The following SLMAP variants were observed in gnomAD, a reference collection of about 807,000 sequenced individuals.
The protein encoded by SLMAP is sarcolemmal membrane-associated protein.
Under a neutral mutation model 128.8 loss-of-function variants are expected in SLMAP, and 44 were observed. The ratio of observed to expected loss-of-function variants is 0.34; its 90% CI spans 0.27 to 0.44. The LOEUF is 0.44. SLMAP is among the 20% of genes least tolerant of loss of function. The pLI is 1.00. For missense variants in SLMAP, 787 were observed against 985.3 expected (o/e 0.80, Z 2.69); for synonymous variants, 327 against 348.8 (o/e 0.94, Z 0.70).
At chr3:57,907,692 A>AAG (rs1217035364) in intron 17 of SLMAP, among the ~76,000 whole-genome samples, 192 bp from the exon 18 acceptor site, 1 of 152,184 alleles carries the variant, frequency 6.6e-6, no homozygotes, top group East Asian at 1.9e-4. Context: ...CATGATTACT[A>AAG]ATATATATAA....
At chr3:57,862,504 GAC>G (rs766581600) in intron 10 of SLMAP, among the ~76,000 whole-genome samples, 1 of 151,954 alleles carries the variant, frequency 6.6e-6, no homozygotes, top group Non-Finnish European at 1.5e-5. Context: ...TGGGCGTGGT[GAC>G]ACATGCCTGT....
intron 2 of SLMAP, among the ~76,000 whole-genome samples, chr3:57,760,178 G>A (rs778997104): frequency 6.6e-6 from 1 of 152,150 alleles, no homozygotes; most frequent in African/African-American, 2.4e-5. Context: ...GACCTCAAGT[G>A]ATCCACCCTC....
intron 10 of SLMAP, among the ~76,000 whole-genome samples, chr3:57,864,262 C>G (rs2095226177): frequency 6.6e-6 from 1 of 152,090 alleles, no homozygotes; most frequent in African/African-American, 2.4e-5. Context: ...ACAAAATTAG[C>G]TGGGTATGGT....
intron 2 of SLMAP, among the ~76,000 whole-genome samples, chr3:57,825,235 TTTTA>T (rs1226314137): frequency 6.6e-6 from 1 of 152,078 alleles, no homozygotes; most frequent in Admixed American, 6.5e-5. Context: ...CTTTTTTTTT[TTTTA>T]TTCTTTCTAG....
At chr3:57,891,475 A>T (rs764266191) in intron 15 of SLMAP, among the ~76,000 whole-genome samples, 2 of 152,162 alleles carry the variant, frequency 1.3e-5, no homozygotes, top group Non-Finnish European at 2.9e-5. Context: ...TTAAATATTT[A>T]TCTTTGTATG....
chr3:57,775,094 G>A (rs1342951887), intron 2 of SLMAP, among the ~76,000 whole-genome samples: 4 of 150,112 alleles, frequency 2.7e-5, no homozygotes, highest in Non-Finnish European at 3.0e-5. Context: ...TCGCTCTGTC[G>A]CCCAGGCCGG....
At chr3:57,900,021 A>G (rs2096337661) in intron 17 of SLMAP, 1 of 152,182 alleles carries the variant, frequency 6.6e-6, no homozygotes, top group African/African-American at 2.4e-5. Flanking sequence ...TTGTATCTGT[A>G]TAATTAGGTT....
chr3:57,823,087 A>G (rs2092647564), intron 2 of SLMAP, among the ~76,000 whole-genome samples: 1 of 152,182 alleles, frequency 6.6e-6, no homozygotes, highest in South Asian at 2.1e-4. Context: ...TAAAAAGCAT[A>G]CAAGAAAGAG....
chr3:57,887,565 C>G (rs1436563302), intron 14 of SLMAP, among the ~76,000 whole-genome samples: 1 of 152,178 alleles, frequency 6.6e-6, no homozygotes, highest in Non-Finnish European at 1.5e-5. Context: ...CTCATTCACA[C>G]TACATGTCCA....
intron 2 of SLMAP, among the ~76,000 whole-genome samples, chr3:57,809,147 T>C (rs778188541): frequency 3.7e-4 from 57 of 152,122 alleles, no homozygotes; most frequent in Non-Finnish European, 7.8e-4. Flanking sequence ...TCCCATTCCA[T>C]GGAGCAGGCA....
intron 2 of SLMAP, among the ~76,000 whole-genome samples, chr3:57,763,739 A>T (rs1375723972): frequency 1.3e-5 from 2 of 152,162 alleles, no homozygotes; most frequent in African/African-American, 4.8e-5. Flanking sequence ...AATAGTTGAG[A>T]TAGGTGATAT....
At position 57,890,095 on chromosome 3, in the gene SLMAP, C is replaced by T; in HGVS notation, c.1355C>T (p.Ser452Leu). Residue 452 changes from serine (S) to leucine (L), a missense_variant, in exon 15 of 25, where the codon TCA becomes TTA. By Grantham distance (145) the Ser-to-Leu change is moderately radical. Coordinates refer to ENST00000671191, the MANE Select transcript of SLMAP (RefSeq NM_001377540.1). ...LTKAVEETKLSKENQTRAKES... is the reference protein window; with the variant it reads ...LTKAVEETKLLKENQTRAKES... ...AAAGCGGTAGAAGAAACAAAGCTTT[C>T]AAAAGGTTTGTTTTCTGTTTTTCTA... 1 of 1,613,664 alleles carries T rather than the reference C, an allele frequency of 6.2e-7. No homozygotes were observed. The highest frequency in any genetic ancestry group is 1.6e-4 in the Middle Eastern group (1 of 6,062).
At chr3:57,775,652 T>C (rs988477747) in intron 2 of SLMAP, among the ~76,000 whole-genome samples, 1 of 151,702 alleles carries the variant, frequency 6.6e-6, no homozygotes, top group Admixed American at 6.6e-5. Flanking sequence ...ATCGCGCCAC[T>C]GCACTCCAGC....
chr3:57,849,853 T>A (rs2094440030), intron 6 of SLMAP, 37 bp downstream of exon 6: 1 of 1,198,670 alleles, frequency 8.3e-7, no homozygotes. Context: ...AAAGCAGAAT[T>A]TCTTTTAAAC....
chr3:57,860,082 A>G (rs908611985), intron 8 of SLMAP, among the ~76,000 whole-genome samples: 3 of 152,062 alleles, frequency 2.0e-5, no homozygotes, highest in African/African-American at 7.2e-5. Context: ...GGGTCTTGCT[A>G]TGTTGCCCAG....
At chr3:57,851,807 T>G (rs1055049351) in intron 6 of SLMAP, among the ~76,000 whole-genome samples, 9 of 151,476 alleles carry the variant, frequency 5.9e-5, no homozygotes, top group African/African-American at 2.2e-4. Flanking sequence ...TTATCTTAGT[T>G]CTGCTACTCA....
chr3:57,874,739 G>C (rs1003369860), intron 14 of SLMAP, among the ~76,000 whole-genome samples: 1 of 151,748 alleles, frequency 6.6e-6, no homozygotes, highest in African/African-American at 2.4e-5. Context: ...GGCGCCTGTA[G>C]TCTCAGCTAC....
At chr3:57,793,898 A>G in intron 2 of SLMAP, among the ~76,000 whole-genome samples, 1 of 142,426 alleles carries the variant, frequency 7.0e-6, no homozygotes, top group East Asian at 2.0e-4. Context: ...ATCTTTCTTA[A>G]AAAAAAAAAA....
At chr3:57,896,159 A>G in intron 15 of SLMAP, 2 of 825,482 alleles carry the variant, frequency 2.4e-6, no homozygotes, top group Non-Finnish European at 2.9e-6. Context: ...TCATCTTTAT[A>G]CAGTGTCTGC....
Sources: gnomAD v4.1 joint callset for allele counts (sites outside exome capture counted in the v4.1 genomes callset) on GRCh38, gnomAD v4.1.1 for gene constraint, MANE v1.5 for transcripts, NCBI Gene and HGNC (gene_info 2026-07-23, HGNC 2026-07-21) for gene names.